The following NRG1 variants were observed in gnomAD, a reference collection of about 807,000 sequenced individuals.
NRG1 encodes neuregulin 1.
A neutral mutation model predicts 63.8 loss-of-function variants in NRG1; 18 were observed. The ratio of observed to expected loss-of-function variants is 0.28; its 90% CI spans 0.19 to 0.42. NRG1 has a LOEUF of 0.42. NRG1 is among the 10% of genes least tolerant of loss of function. The probability of loss-of-function intolerance (pLI) is 1.00; values close to 1 mark genes in which losing one functional copy is unlikely to be tolerated. For missense variants in NRG1, 762 were observed against 814.7 expected (o/e 0.94, Z 0.79); for synonymous variants, 302 against 301.3 (o/e 1.00, Z -0.02).
chr8:32,694,338 T>C (rs2128944234), intron 5 of NRG1, among the ~76,000 whole-genome samples: 1 of 152,312 alleles, frequency 6.6e-6, no homozygotes, highest in South Asian at 2.1e-4. Flanking sequence ...AGATAAGTGT[T>C]CCAATTTAAG....
chr8:32,693,694 A>G (rs1041294150), intron 5 of NRG1, among the ~76,000 whole-genome samples: 1 of 152,144 alleles, frequency 6.6e-6, no homozygotes. Context: ...AAAAAAAACT[A>G]TGAAATTTTG....
intron 1 of NRG1, among the ~76,000 whole-genome samples, chr8:32,349,417 G>A (rs1485731961): frequency 6.6e-6 from 1 of 152,142 alleles, no homozygotes; most frequent in Non-Finnish European, 1.5e-5. Flanking sequence ...AGACTGAAAA[G>A]AGAACAACCA....
intron 5 of NRG1, among the ~76,000 whole-genome samples, chr8:32,717,988 G>A (rs1020111681): frequency 6.6e-6 from 1 of 152,120 alleles, no homozygotes; most frequent in African/African-American, 2.4e-5. Context: ...TAACTCATAG[G>A]CACATCACTG....
At chr8:31,824,801 A>G (rs2129604188) in intron 1 of NRG1, among the ~76,000 whole-genome samples, 1 of 152,342 alleles carries the variant, frequency 6.6e-6, no homozygotes, top group East Asian at 1.9e-4. Flanking sequence ...AGTGAGTTTC[A>G]GCATACACAC....
At chr8:31,750,058 T>A (rs912373947) in intron 1 of NRG1, among the ~76,000 whole-genome samples, 1 of 151,882 alleles carries the variant, frequency 6.6e-6, no homozygotes, top group African/African-American at 2.4e-5. Flanking sequence ...GCCATTTTCT[T>A]TCCTGAAGGT....
intron 1 of NRG1, among the ~76,000 whole-genome samples, chr8:32,141,255 C>T (rs1836212620): frequency 1.3e-5 from 2 of 151,930 alleles, no homozygotes; most frequent in South Asian, 4.1e-4. Context: ...AACAAGCTTG[C>T]TAAGGGGCGA....
In NRG1 at chr8:32,737,769, T is replaced by TAGC. The variant is rs1207541706; in HGVS notation, c.633-4906_633-4905insAGC. On this transcript the variant is annotated intron_variant, in intron 6 of 11. Transcript: ENST00000356819. ...TCTGCTCACTACAACCTCCGCCTTC[T>TAGC]GGGTTCAAGCGATTCTCCTGCCTCA... is the stretch of plus-strand genomic sequence containing the variant. Among the ~76,000 whole-genome samples, 35 of 150,720 alleles carry TAGC rather than the reference T, an allele frequency of 2.3e-4. No individual in the cohort carries two copies. The South Asian group carries it at 7.3e-3, about 31-fold the overall frequency.
intron 1 of NRG1, among the ~76,000 whole-genome samples, chr8:32,367,511 G>GT (rs747240836): frequency 1.1e-4 from 16 of 150,864 alleles, no homozygotes; most frequent in Non-Finnish European, 8.9e-5. Context: ...TTTGGCTTTT[G>GT]TTTTTTTGTT....
intron 1 of NRG1, among the ~76,000 whole-genome samples, chr8:32,330,041 TAAAAAAAAAAAAAAAAAAA>T (rs532006401): frequency 2.6e-4 from 11 of 43,020 alleles, no homozygotes; most frequent in Middle Eastern, 0.019. Context: ...CCTAGCTAAT[TAAAAAAAAAAAAAAAAAAA>T]AAAAAAAAAA....
chr8:32,416,363 C>T (rs571033760), intron 1 of NRG1, among the ~76,000 whole-genome samples: 1 of 142,504 alleles, frequency 7.0e-6, no homozygotes, highest in African/African-American at 2.5e-5. Context: ...TTCCTCCTTT[C>T]ACCTCCTTCC....
intron 1 of NRG1, among the ~76,000 whole-genome samples, chr8:32,305,415 G>A (rs533811442): frequency 2.6e-4 from 36 of 137,312 alleles, no homozygotes; most frequent in African/African-American, 8.4e-4. Flanking sequence ...TTCACCAGAC[G>A]AATTCTTCAA....
At chr8:32,010,429 A>G (rs925673276) in intron 1 of NRG1, among the ~76,000 whole-genome samples, 1 of 152,014 alleles carries the variant, frequency 6.6e-6, no homozygotes, top group African/African-American at 2.4e-5. Context: ...TCTTATATCT[A>G]GAAATAGGGC....
At chr8:32,154,937 A>G (rs1837887756) in intron 1 of NRG1, among the ~76,000 whole-genome samples, 1 of 152,226 alleles carries the variant, frequency 6.6e-6, no homozygotes, top group African/African-American at 2.4e-5. Flanking sequence ...CATTTTATAG[A>G]TGAAGAAACT....
chr8:32,101,055 C>G (rs187581286), intron 1 of NRG1, among the ~76,000 whole-genome samples: 3 of 151,970 alleles, frequency 2.0e-5, no homozygotes, highest in East Asian at 1.9e-4. Flanking sequence ...AGGCATTTTC[C>G]GGCATCTCAT....
At chr8:32,616,247 A>G (rs539790077) in intron 4 of NRG1, among the ~76,000 whole-genome samples, 103 of 151,848 alleles carry the variant, frequency 6.8e-4, no homozygotes, top group Non-Finnish European at 1.3e-3. Flanking sequence ...GCTACTAGAT[A>G]TCCCCAACTA....
chr8:32,576,740 T>C lies in NRG1; in HGVS notation c.101-19088T>C, dbSNP rs377069756. On this transcript the variant is annotated intron_variant, in intron 1 of 11. Transcript: ENST00000356819. ...TGCTTTTGTTTAAAAGGCAGATTCT[T>C]TTTTCCCTATATTTTTCTCTTTTTA... 7.9e-4 allele frequency among the ~76,000 whole-genome samples: 120 copies of C among 152,024 alleles called. 1 individual carries two copies. The South Asian group carries it at 0.021, about 26-fold the overall frequency.
At chr8:32,387,561 C>T (rs891617232) in intron 1 of NRG1, among the ~76,000 whole-genome samples, 3 of 152,034 alleles carry the variant, frequency 2.0e-5, no homozygotes, top group African/African-American at 4.8e-5. Flanking sequence ...AAGTCTGATT[C>T]CCAGGAATCT....
intron 1 of NRG1, among the ~76,000 whole-genome samples, chr8:32,354,672 T>C (rs1806111330): frequency 6.6e-6 from 1 of 151,256 alleles, no homozygotes. Context: ...GTGGGAGAAT[T>C]AAGGCCAGGA....
At chr8:32,145,344 C>T (rs1836758754) in intron 1 of NRG1, among the ~76,000 whole-genome samples, 1 of 152,008 alleles carries the variant, frequency 6.6e-6, no homozygotes, top group Admixed American at 6.6e-5. Context: ...ATTCTTATGG[C>T]TTAAATTTTT....
Sources: allele counts gnomAD v4.1 joint callset (sites outside exome capture counted in the v4.1 genomes callset), GRCh38; gene constraint gnomAD v4.1.1; transcripts MANE v1.5; gene names NCBI Gene and HGNC (gene_info 2026-07-23, HGNC 2026-07-21).